The following ARHGAP27 variants were observed in gnomAD, a reference collection of about 807,000 sequenced individuals.
ARHGAP27 encodes Rho GTPase activating protein 27, also known as rho GTPase-activating protein 27.
A neutral mutation model predicts 102.0 loss-of-function variants in ARHGAP27; 53 were observed. That is an observed-to-expected ratio of 0.52 (90% CI 0.42 to 0.65). ARHGAP27 has a LOEUF of 0.65. Among genes scored for constraint, ARHGAP27 ranks in the 30% least tolerant of loss-of-function variants. The pLI is 0.00. For synonymous variants in ARHGAP27, 525 were observed against 542.8 expected (o/e 0.97, Z 0.46); for missense variants, 1,117 against 1,256.2 (o/e 0.89, Z 1.68).
chr17:45,430,733 C>G lies in ARHGAP27; in HGVS notation c.-18-436G>C, dbSNP rs1052533353. On this transcript the variant is annotated intron_variant, in intron 3 of 19. Coordinates refer to ENST00000685559, the MANE Select transcript of ARHGAP27 (RefSeq NM_001282290.2). The surrounding 1 kb of genome is among the most constrained non-coding windows in gnomAD (Gnocchi z 4.4). ...CCCCATTTACTGCCGCTCCCCGGCT[C>G]TGTCCCGCCTGGAAGCCTCCCGCCC... Among the ~76,000 whole-genome samples, 6 of 152,188 alleles carry G rather than the reference C, an allele frequency of 3.9e-5. No homozygotes were observed. The highest frequency in any genetic ancestry group is 1.4e-4 in the African/African-American group (6 of 41,432).
chr17:45,426,665 C>T (rs1435933243), intron 4 of ARHGAP27, among the ~76,000 whole-genome samples: 1 of 151,996 alleles, frequency 6.6e-6, no homozygotes, highest in African/African-American at 2.4e-5. Flanking sequence ...ACCTTCTCCC[C>T]ATCTTTAGCC....
At chr17:45,426,705 TG>T (rs1270686399) in intron 4 of ARHGAP27, among the ~76,000 whole-genome samples, 1 of 151,860 alleles carries the variant, frequency 6.6e-6, no homozygotes, top group East Asian at 1.9e-4. Context: ...CACCTGAGCC[TG>T]GGGACGGTTC....
In ARHGAP27 at chr17:45,395,459, G is replaced by C. The variant is rs117139057; in HGVS notation, c.2667C>G (p.His889Gln). ...LQQCADIFPP[H>Q] ...CGCCCCAGTCACAGGCCAGCAGTCA[G>C]TGCGGCGGGAAGATGTCCGCGCACT... The change falls in exon 20 of 20, where the codon CAC (histidine) becomes CAG (glutamine). Residue 889 changes from histidine to glutamine, a missense_variant. This residue lies in a region of ARHGAP27 where 493 missense variants were observed against 505.5 expected (regional missense o/e 0.98). Transcript: ENST00000685559. 111,200 of 1,558,564 alleles carry C rather than the reference G, an allele frequency of 0.071. 4,273 individuals carry two copies. Among genetic ancestry groups the C allele is most frequent in the Middle Eastern group, 0.13 (771 of 5,988 alleles).
rs1169253376 is a variant in ARHGAP27 at position 45,396,968 on chromosome 17, G to T, written c.1899C>A (p.Ser633Arg). The part of the protein sequence containing the change: ...SESSRVDFGS[S>R]ERLGSWQEKE... Reference sequence around the variant, plus strand: ...TCTCCTGCCAGCTTCCCAAGCGCTCGCTCGACCCGAAGTCCACTCTGCTGC... The same window carrying T: ...TCTCCTGCCAGCTTCCCAAGCGCTCTCTCGACCCGAAGTCCACTCTGCTGC... The change falls in exon 14 of 20, where the codon AGC becomes AGA. Residue 633 changes from serine to arginine, a missense_variant. Around this residue, in one of 3 missense-constraint regions of ARHGAP27, gnomAD observed 493 missense variants for 505.5 expected, o/e 0.98. Coordinates refer to ENST00000685559, the MANE Select transcript of ARHGAP27 (RefSeq NM_001282290.2). 3 of 1,605,564 alleles carry T rather than the reference G, an allele frequency of 1.9e-6. No homozygotes were observed. The highest frequency in any genetic ancestry group is 2.5e-6 in the Non-Finnish European group (3 of 1,179,958).
rs1243192317 is a variant in ARHGAP27, at chr17:45,429,831, G to A, written c.449C>T (p.Pro150Leu). 2 of 1,406,064 alleles carry A rather than the reference G, an allele frequency of 1.4e-6. No individual in the cohort carries two copies. Among genetic ancestry groups the A allele is most frequent in the East Asian group, 3.3e-5 (1 of 30,696 alleles). 87.1% of individuals were successfully genotyped at this position (1,406,064 alleles called of 1,614,324 possible). The change falls in exon 4 of 20, where the codon CCC becomes CTC. Residue 150 changes from proline (P) to leucine (L), a missense_variant. This residue lies in a region of ARHGAP27 where 610 missense variants were observed against 716.4 expected (regional missense o/e 0.85). Transcript: ENST00000685559. ...GTTCAGGGACTGCGCGGGCCGCACGGGCGCCGCGGGCCGCAGGTACAGGCA... is the reference window on the plus strand; with the variant it reads ...GTTCAGGGACTGCGCGGGCCGCACGAGCGCCGCGGGCCGCAGGTACAGGCA... Reference protein sequence around the residue: ...PACLYLRPAAPVRPAQSLNDL... With the variant: ...PACLYLRPAALVRPAQSLNDL...
intron 4 of ARHGAP27, among the ~76,000 whole-genome samples, chr17:45,411,314 C>T (rs2047883548): frequency 6.6e-6 from 1 of 152,024 alleles, no homozygotes; most frequent in South Asian, 2.1e-4. Context: ...CCTCCCCAGG[C>T]TTAAGGGCCA....
Position 45,396,724 on chromosome 17 carries a change from T to C in ARHGAP27, c.2018A>G (p.Lys673Arg), listed in dbSNP as rs762430794. 3.1e-6 allele frequency: 5 copies of C among 1,613,846 alleles called. No homozygotes were observed. Among genetic ancestry groups the C allele is most frequent in the Admixed American group, 1.7e-5 (1 of 60,020 alleles). Residue 673 changes from lysine (K) to arginine (R), a missense_variant, in exon 15 of 20, where the codon AAG becomes AGG. Coordinates refer to ENST00000685559, the MANE Select transcript of ARHGAP27 (RefSeq NM_001282290.2). Reference protein sequence around the residue: ...DLSKVRHKLRKFLQRRPTLQS... With the variant: ...DLSKVRHKLRRFLQRRPTLQS... Reference sequence around the variant, plus strand: ...CAGTGTGGGCCGCCTCTGGAGGAACTTGCGGAGCTTGTGCCGGACCTTGCT... The same window carrying C: ...CAGTGTGGGCCGCCTCTGGAGGAACCTGCGGAGCTTGTGCCGGACCTTGCT...
rs961465610 is a variant in ARHGAP27, at chr17:45,429,705, G to C, written c.575C>G (p.Pro192Arg). 9.6e-6 allele frequency: 15 copies of C among 1,555,080 alleles called. No homozygotes were observed. The highest frequency in any genetic ancestry group is 1.3e-5 in the Non-Finnish European group (15 of 1,150,156). Residue 192 changes from proline to arginine, a missense_variant, in exon 4 of 20, where the codon CCT becomes CGT. Physicochemically the swap from Pro to Arg is moderately radical, Grantham distance 103. Around this residue, in one of 3 missense-constraint regions of ARHGAP27, gnomAD observed 610 missense variants for 716.4 expected, o/e 0.85. Transcript: ENST00000685559. ...GTTCTCTGAGTCGCTGCGCGCCAGA[G>C]GCCGCGGGCACACCCAGGAGCCCGC... ...SVAGSWVCPRPLARSDSENVY... is the reference protein window; with the variant it reads ...SVAGSWVCPRRLARSDSENVY...
chr17:45,422,978 G>C (rs1230082), intron 4 of ARHGAP27, among the ~76,000 whole-genome samples: 95,788 of 151,864 alleles, frequency 0.63, 30,919 homozygotes, highest in Non-Finnish European at 0.71. Context: ...GTCAGGAGTT[G>C]CAGACCAGCC....
chr17:45,415,895 T>C (rs933286727), intron 4 of ARHGAP27, among the ~76,000 whole-genome samples: 1 of 152,196 alleles, frequency 6.6e-6, no homozygotes, highest in African/African-American at 2.4e-5. Context: ...AAACCAGCTG[T>C]GAGAGAGATG....
intron 4 of ARHGAP27, among the ~76,000 whole-genome samples, chr17:45,415,320 T>G (rs1044388075): frequency 2.0e-5 from 3 of 152,104 alleles, no homozygotes; most frequent in Non-Finnish European, 4.4e-5. Flanking sequence ...CTCCTAGTTT[T>G]CCTTCTTTTT....
chr17:45,429,509 AGGT>A, intron 4 of ARHGAP27, 111 bp downstream of exon 4: 1 of 1,522,046 alleles, frequency 6.6e-7, no homozygotes, highest in Non-Finnish European at 8.7e-7. Flanking sequence ...CTTCGGACAG[AGGT>A]GGGCGTCGTG....
At chr17:45,409,920 T>C in intron 4 of ARHGAP27, 1 of 372,766 alleles carries the variant, frequency 2.7e-6, no homozygotes, top group Non-Finnish European at 4.8e-6. Flanking sequence ...CCTTCCGACC[T>C]CAGGCCAGAG....
chr17:45,414,057 G>A (rs1401593984), intron 4 of ARHGAP27, among the ~76,000 whole-genome samples: 3 of 150,682 alleles, frequency 2.0e-5, no homozygotes, highest in Non-Finnish European at 1.5e-5. Context: ...AGTGAACCAA[G>A]ATCGCACCAT....
chr17:45,424,747 A>G (rs1173046330), intron 4 of ARHGAP27, among the ~76,000 whole-genome samples: 2 of 151,988 alleles, frequency 1.3e-5, no homozygotes, highest in Non-Finnish European at 2.9e-5. Context: ...GTGCACCAAA[A>G]TCTCAGAAAT....
chr17:45,410,358 C>T, intron 4 of ARHGAP27: 2 of 1,405,392 alleles, frequency 1.4e-6, no homozygotes, highest in South Asian at 1.5e-5. Context: ...GGGCACTACC[C>T]CAGTGCTGGC....
chr17:45,414,534 C>G (rs2048246915), intron 4 of ARHGAP27, among the ~76,000 whole-genome samples: 1 of 151,374 alleles, frequency 6.6e-6, no homozygotes, highest in African/African-American at 2.4e-5. Flanking sequence ...ACTTCTTGGA[C>G]TCAAGCAATC....
At chr17:45,397,087 G>C in intron 13 of ARHGAP27, 63 bp from the exon 14 acceptor site, 2 of 1,581,636 alleles carry the variant, frequency 1.3e-6, no homozygotes, top group South Asian at 2.2e-5. Context: ...TCCAGGATGG[G>C]GCAAGGGACC....
rs936868843 is a variant in ARHGAP27 at position 45,429,871 on chromosome 17, G to C, written c.409C>G (p.Pro137Ala). 2 of 1,302,680 alleles carry C rather than the reference G, an allele frequency of 1.5e-6. No individual in the cohort carries two copies. The highest frequency in any genetic ancestry group is 3.2e-5 in the African/African-American group (2 of 62,406). The allele number at this position is 1,302,680 out of a possible 1,614,324, so 80.7% of individuals were successfully genotyped here. A position where few individuals can be genotyped will look rare whatever the true frequency, so the allele number is the denominator to read the frequency against. The change falls in exon 4 of 20, where the codon CCC (proline) becomes GCC (alanine). Residue 137 changes from proline to alanine, a missense_variant. This residue lies in a region of ARHGAP27 where 610 missense variants were observed against 716.4 expected (regional missense o/e 0.85). Coordinates refer to ENST00000685559, the MANE Select transcript of ARHGAP27 (RefSeq NM_001282290.2). ...AGGTACAGGCAGGCTGGCAGGCCGG[G>C]CGCCAGGCTGCTGCGCTGGGTCGCG... ...GAATQRSSLA[P>A]GLPACLYLRP...
Sources: gnomAD v4.1 joint callset for allele counts (sites outside exome capture counted in the v4.1 genomes callset) on GRCh38, gnomAD v4.1.1 for gene constraint, gnomAD v4.1.1 regional missense constraint, Gnocchi (gnomAD v3.1) non-coding constraint, MANE v1.5 for transcripts, NCBI Gene and HGNC (gene_info 2026-07-23, HGNC 2026-07-21) for gene names.